RELN: variants seen among roughly 807,000 people sequenced by gnomAD.
RELN encodes the protein reelin.
In RELN, 108 loss-of-function variants were observed where a neutral mutation model predicts 427.6. That is an observed-to-expected ratio of 0.25 (90% CI 0.22 to 0.30). The LOEUF (loss-of-function observed/expected upper bound fraction) is 0.30. RELN is among the 10% of genes least tolerant of loss of function. The probability of loss-of-function intolerance (pLI) is 1.00; values close to 1 mark genes in which losing one functional copy is unlikely to be tolerated. For missense variants in RELN, 3,715 were observed against 4,302.8 expected (o/e 0.86, Z 3.82); for synonymous variants, 1,524 against 1,513.4 (o/e 1.01, Z -0.16).
At chr7:103,493,940 G>A (rs1260676553) in intron 57 of RELN, among the ~76,000 whole-genome samples, 1 of 152,036 alleles carries the variant, frequency 6.6e-6, no homozygotes. Flanking sequence ...AATTGCCTTG[G>A]TTATAGAAAG....
At chr7:103,895,403 T>C (rs1226339984) in intron 2 of RELN, among the ~76,000 whole-genome samples, 1 of 152,242 alleles carries the variant, frequency 6.6e-6, no homozygotes, top group East Asian at 1.9e-4. Flanking sequence ...GGGTCATTTC[T>C]GCCTAGTTTA....
chr7:103,629,889 T>C, intron 20 of RELN, 51 bp downstream of exon 20: 1 of 1,110,996 alleles, frequency 9.0e-7, no homozygotes, highest in South Asian at 1.2e-5. Context: ...ATCATCCTCA[T>C]GTTCTAATTC....
At chr7:103,787,911 T>G (rs555248017) in intron 3 of RELN, among the ~76,000 whole-genome samples, 5 of 152,064 alleles carry the variant, frequency 3.3e-5, no homozygotes, top group Admixed American at 6.5e-5. Context: ...ATATCCCTGA[T>G]GAACATCGAT....
intron 2 of RELN, among the ~76,000 whole-genome samples, chr7:103,875,247 T>C (rs1042050963): frequency 2.0e-5 from 3 of 149,774 alleles, no homozygotes; most frequent in Non-Finnish European, 4.4e-5. Flanking sequence ...CCTAAAACCA[T>C]AAAAACCCTA....
intron 3 of RELN, among the ~76,000 whole-genome samples, chr7:103,781,029 C>G (rs999061219): frequency 6.6e-6 from 1 of 152,136 alleles, no homozygotes; most frequent in South Asian, 2.1e-4. Flanking sequence ...CTTTCCAAAC[C>G]CTTAGAACCC....
At chr7:103,765,008 T>TG (rs1791394067) in intron 4 of RELN, among the ~76,000 whole-genome samples, 1 of 151,968 alleles carries the variant, frequency 6.6e-6, no homozygotes, top group African/African-American at 2.4e-5. Context: ...TTGAGGATGA[T>TG]GGTTTCCAGG....
At chr7:103,757,896 G>C (rs575931027) in intron 4 of RELN, among the ~76,000 whole-genome samples, 2 of 152,286 alleles carry the variant, frequency 1.3e-5, no homozygotes, top group East Asian at 1.9e-4. Context: ...ACTGTACATA[G>C]AGGCTGGAAG....
intron 8 of RELN, among the ~76,000 whole-genome samples, chr7:103,705,663 G>T (rs776569225): frequency 1.3e-5 from 2 of 152,184 alleles, no homozygotes; most frequent in Non-Finnish European, 2.9e-5. Flanking sequence ...TACGTGTAGG[G>T]TTACGAGAAT....
chr7:103,525,693 C>G (rs937818104), intron 46 of RELN, among the ~76,000 whole-genome samples: 10 of 144,998 alleles, frequency 6.9e-5, no homozygotes, highest in Non-Finnish European at 1.2e-4. Flanking sequence ...TATATTCATT[C>G]TGTTTTTTTT....
chr7:103,561,518 T>A lies in RELN; in HGVS notation c.5529+14A>T. ...GTAGTAATGTTGGGAAGGAGAATCT[T>A]ATCTGTATCTGACCCCTTTAAAAAT... On this transcript the variant is annotated intron_variant, in intron 36 of 64. Transcript: ENST00000428762. 6.3e-7 allele frequency: 1 copy of A among 1,596,278 alleles called. No individual in the cohort carries two copies. Among genetic ancestry groups the A allele is most frequent in the Non-Finnish European group, 8.6e-7 (1 of 1,163,900 alleles).
At chr7:103,924,150 TG>T (rs1298705851) in intron 1 of RELN, among the ~76,000 whole-genome samples, 3 of 152,122 alleles carry the variant, frequency 2.0e-5, no homozygotes, top group Admixed American at 6.6e-5. Context: ...GATCTTTTCC[TG>T]GAAGGCAGTG....
intron 2 of RELN, among the ~76,000 whole-genome samples, chr7:103,843,727 G>A (rs555450283): frequency 1.3e-5 from 2 of 152,258 alleles, no homozygotes; most frequent in South Asian, 2.1e-4. Context: ...TAAGTCAAAT[G>A]CTGTTCTCCC....
At chr7:103,743,590 C>A (rs1239373078) in intron 6 of RELN, among the ~76,000 whole-genome samples, 6 of 151,670 alleles carry the variant, frequency 4.0e-5, no homozygotes, top group Admixed American at 2.0e-4. Flanking sequence ...AATGGAAAAC[C>A]AAAAAAGGCA....
rs1393421556 is a variant in RELN, at chr7:103,659,092, G to A, written c.1441+2284C>T. ...TATGGATGATTTTCGAATCTGATTC[G>A]AATTCTGAATAGAATTTCTCCCTTC... On this transcript the variant is annotated intron_variant, in intron 12 of 64. Transcript: ENST00000428762. 2.0e-5 allele frequency among the ~76,000 whole-genome samples: 3 copies of A among 151,630 alleles called. No homozygotes were observed. The East Asian group carries it at 5.8e-4, about 29-fold the overall frequency.
At chr7:103,801,067 A>G (rs1408055705) in intron 3 of RELN, among the ~76,000 whole-genome samples, 1 of 152,222 alleles carries the variant, frequency 6.6e-6, no homozygotes, top group East Asian at 1.9e-4. Context: ...TGGTCACTAA[A>G]AAGTCAGGAA....
At chr7:103,517,855 G>T (rs1457008166) in intron 49 of RELN, among the ~76,000 whole-genome samples, 1 of 152,208 alleles carries the variant, frequency 6.6e-6, no homozygotes, top group African/African-American at 2.4e-5. Flanking sequence ...CCAGAATAAA[G>T]ACAGCATGTC....
At chr7:103,585,790 T>C (rs530351142) in intron 28 of RELN, among the ~76,000 whole-genome samples, 109 of 152,132 alleles carry the variant, frequency 7.2e-4, no homozygotes, top group African/African-American at 2.5e-3. Context: ...CTGATGAACA[T>C]AGACACAAAA....
rs547428863 is a variant in RELN, at chr7:103,582,518, A to G, written c.4146-6813T>C. On this transcript the variant is annotated intron_variant, in intron 28 of 64. Coordinates refer to ENST00000428762, the MANE Select transcript of RELN (RefSeq NM_005045.4). ...CCACTGATTGACAAACTTTCTTGAG[A>G]TAGCTGGTGTTTAAAGATTATGTTT... Among the ~76,000 whole-genome samples the G allele has an allele frequency of 2.0e-5, 3 of 152,338 alleles. No individual in the cohort carries two copies. The South Asian group carries it at 6.2e-4, about 32-fold the overall frequency.
chr7:103,572,146 A>G (rs1175620274), intron 31 of RELN, 38 bp downstream of exon 31: 1 of 1,194,840 alleles, frequency 8.4e-7, no homozygotes, highest in African/African-American at 1.5e-5. Context: ...TAATCTGCCA[A>G]TAGTAACTGT....
Sources: allele counts gnomAD v4.1 joint callset (sites outside exome capture counted in the v4.1 genomes callset), GRCh38; gene constraint gnomAD v4.1.1; transcripts MANE v1.5; gene names NCBI Gene and HGNC (gene_info 2026-07-23, HGNC 2026-07-21).